Variants in SGCZ observed in about 807,000 individuals in gnomAD.
SGCZ encodes sarcoglycan zeta.
Under a neutral mutation model 41.3 loss-of-function variants are expected in SGCZ, and 40 were observed. The ratio of observed to expected loss-of-function variants is 0.97; its 90% CI spans 0.75 to 1.26. The LOEUF is 1.26. Ranked by LOEUF, SGCZ falls within the 50% of genes most tolerant of loss-of-function variation. SGCZ has a pLI of 0.00. For missense variants in SGCZ, 552 were observed against 369.8 expected, an observed-to-expected ratio of 1.49 and a Z score of -4.04; for synonymous variants, 206 against 137.5, an observed-to-expected ratio of 1.50 and a Z score of -3.49.
At chr8:14,356,452 A>G (rs1279953522) in intron 2 of SGCZ, among the ~76,000 whole-genome samples, 3 of 152,154 alleles carry the variant, frequency 2.0e-5, no homozygotes, top group Non-Finnish European at 4.4e-5. Context: ...AATACTGTAT[A>G]TTAATGAAAG....
chr8:14,966,447 TTAACTC>T (rs1801128854), intron 1 of SGCZ, among the ~76,000 whole-genome samples: 1 of 151,928 alleles, frequency 6.6e-6, no homozygotes, highest in African/African-American at 2.4e-5. Context: ...TTAAAAGTGA[TTAACTC>T]TAGGGGAATA....
chr8:14,499,893 C>T (rs897080778), intron 2 of SGCZ, among the ~76,000 whole-genome samples: 3 of 151,940 alleles, frequency 2.0e-5, no homozygotes, highest in African/African-American at 7.2e-5. Flanking sequence ...AAATATTTAT[C>T]AAGGGGAACT....
intron 1 of SGCZ, among the ~76,000 whole-genome samples, chr8:14,876,123 A>G (rs116583260): frequency 0.023 from 3,433 of 152,254 alleles, 45 homozygotes; most frequent in Middle Eastern, 0.044. Context: ...TGTAGACAAT[A>G]GAGAGATCGG....
chr8:15,212,464 T>C lies in SGCZ; in HGVS notation c.39+25121A>G, dbSNP rs552607700. 2.0e-5 allele frequency among the ~76,000 whole-genome samples: 3 copies of C among 152,272 alleles called. No individual in the cohort carries two copies. In the South Asian group the frequency reaches 6.2e-4, roughly 32 times the overall value. ...CGTCTTGCAGAGTGGTTTAGGATTG[T>C]TTGGCTTCTCCTTTTAAAATAACTT... On this transcript the variant is annotated intron_variant, in intron 1 of 7. Coordinates refer to ENST00000382080, the MANE Select transcript of SGCZ (RefSeq NM_139167.4).
chr8:14,232,919 T>G (rs1173853595), intron 4 of SGCZ, among the ~76,000 whole-genome samples: 1 of 152,058 alleles, frequency 6.6e-6, no homozygotes, highest in African/African-American at 2.4e-5. Flanking sequence ...GACATTCAGT[T>G]TTTTAATACC....
rs555209354 is a variant in SGCZ, at chr8:15,094,948, G to A, written c.39+142637C>T. 9.2e-5 allele frequency among the ~76,000 whole-genome samples: 14 copies of A among 152,132 alleles called. No individual in the cohort carries two copies. In the South Asian group the frequency reaches 2.9e-3, roughly 32 times the overall value. ...TTTTCTTTATAAATTACCCAGTCTC[G>A]GGTATTTGTTCATAGCAATGTGAGA... On this transcript the variant is annotated intron_variant, in intron 1 of 7. Transcript: ENST00000382080.
intron 4 of SGCZ, among the ~76,000 whole-genome samples, chr8:14,178,774 G>C (rs1804631567): frequency 6.6e-6 from 1 of 152,182 alleles, no homozygotes; most frequent in Non-Finnish European, 1.5e-5. Context: ...CAGATAAACT[G>C]TTAAAGATAA....
intron 1 of SGCZ, among the ~76,000 whole-genome samples, chr8:15,085,892 C>T (rs1347226389): frequency 6.6e-6 from 1 of 152,162 alleles, no homozygotes; most frequent in Non-Finnish European, 1.5e-5. Context: ...ACCTACCCTC[C>T]TGTTGGGTAC....
intron 4 of SGCZ, among the ~76,000 whole-genome samples, chr8:14,214,310 C>G (rs1162640678): frequency 6.6e-6 from 1 of 152,016 alleles, no homozygotes; most frequent in East Asian, 1.9e-4. Context: ...ACTATCATAA[C>G]CAAGAGGAAC....
At chr8:14,772,706 C>T (rs936240474) in intron 1 of SGCZ, among the ~76,000 whole-genome samples, 2 of 151,370 alleles carry the variant, frequency 1.3e-5, no homozygotes, top group Non-Finnish European at 2.9e-5. Context: ...GCAATGTTTA[C>T]TGAGAATGAT....
intron 2 of SGCZ, among the ~76,000 whole-genome samples, chr8:14,370,385 A>G (rs988539170): frequency 4.6e-5 from 7 of 151,912 alleles, no homozygotes; most frequent in Admixed American, 4.6e-4. Flanking sequence ...AAATATAACA[A>G]CTATTGAATA....
chr8:14,532,102 T>G (rs996873056), intron 2 of SGCZ, among the ~76,000 whole-genome samples: 2 of 152,112 alleles, frequency 1.3e-5, no homozygotes, highest in Non-Finnish European at 1.5e-5. Flanking sequence ...GTTAAAGAAC[T>G]ATTGAAAATA....
intron 2 of SGCZ, among the ~76,000 whole-genome samples, chr8:14,509,591 C>T (rs1461876): frequency 0.071 from 10,797 of 152,100 alleles, 832 homozygotes; most frequent in East Asian, 0.39. Context: ...AAAGCAATTT[C>T]GCACCAGAAG....
At chr8:14,258,411 T>C (rs929399853) in intron 3 of SGCZ, among the ~76,000 whole-genome samples, 18 of 152,260 alleles carry the variant, frequency 1.2e-4, no homozygotes, top group Admixed American at 2.6e-4. Flanking sequence ...GGAGGATTCA[T>C]GGAACAAAGT....
intron 1 of SGCZ, among the ~76,000 whole-genome samples, chr8:14,720,996 G>T (rs62495176): frequency 0.014 from 2,107 of 151,264 alleles, 38 homozygotes; most frequent in Non-Finnish European, 0.018. Context: ...TTACTGACCT[G>T]TATCAGCAGC....
At chr8:14,528,506 G>C (rs1362586670) in intron 2 of SGCZ, among the ~76,000 whole-genome samples, 1 of 152,014 alleles carries the variant, frequency 6.6e-6, no homozygotes, top group Non-Finnish European at 1.5e-5. Flanking sequence ...GTCCAACTTT[G>C]TTACACCTAG....
intron 4 of SGCZ, among the ~76,000 whole-genome samples, chr8:14,190,934 A>G (rs1350420064): frequency 2.0e-5 from 3 of 152,142 alleles, no homozygotes; most frequent in Admixed American, 2.0e-4. Context: ...CTTGTTCCAC[A>G]CTGGTTACAT....
intron 1 of SGCZ, among the ~76,000 whole-genome samples, chr8:14,904,959 A>G (rs1799080555): frequency 6.6e-6 from 1 of 151,962 alleles, no homozygotes; most frequent in South Asian, 2.1e-4. Context: ...CATATAATGT[A>G]TCTTTGTTAT....
At chr8:14,165,899 G>A (rs1563162927) in intron 4 of SGCZ, among the ~76,000 whole-genome samples, 1 of 152,016 alleles carries the variant, frequency 6.6e-6, no homozygotes, top group Non-Finnish European at 1.5e-5. Flanking sequence ...TCCATTCATT[G>A]GTCCCTAACC....
Sources: gnomAD v4.1 joint callset for allele counts (sites outside exome capture counted in the v4.1 genomes callset) on GRCh38, gnomAD v4.1.1 for gene constraint, MANE v1.5 for transcripts, NCBI Gene and HGNC (gene_info 2026-07-23, HGNC 2026-07-21) for gene names.